Variants in KCNQ5 observed in about 807,000 individuals in gnomAD.
The protein encoded by KCNQ5 is potassium voltage-gated channel subfamily Q member 5.
KCNQ5 carries 30 observed loss-of-function variants against 98.2 expected under a neutral mutation model. That is an observed-to-expected ratio of 0.31 (90% CI 0.23 to 0.41). KCNQ5 has a LOEUF of 0.41. KCNQ5 is among the 10% of genes least tolerant of loss of function. KCNQ5 has a pLI of 1.00. For synonymous variants in KCNQ5, 458 were observed against 449.4 expected (o/e 1.02, Z -0.24); for missense variants, 835 against 1,182.5 (o/e 0.71, Z 4.31).
chr6:72,770,288 T>C (rs950723772), intron 1 of KCNQ5, among the ~76,000 whole-genome samples: 2 of 152,114 alleles, frequency 1.3e-5, no homozygotes, highest in Non-Finnish European at 2.9e-5. Context: ...CTTGAGATGA[T>C]GGACATGGTA....
chr6:72,869,149 A>G (rs1423461611), intron 1 of KCNQ5, among the ~76,000 whole-genome samples: 4 of 152,232 alleles, frequency 2.6e-5, no homozygotes, highest in Admixed American at 1.3e-4. Context: ...TAAAAATTAA[A>G]AAGAAAGAAA....
intron 1 of KCNQ5, among the ~76,000 whole-genome samples, chr6:72,725,253 T>G (rs1389622995): frequency 6.6e-6 from 1 of 152,162 alleles, no homozygotes; most frequent in Non-Finnish European, 1.5e-5. Flanking sequence ...TATTAATATA[T>G]ATATTCCCCA....
At chr6:73,185,887 T>C (rs895065869) in intron 11 of KCNQ5, among the ~76,000 whole-genome samples, 1 of 152,224 alleles carries the variant, frequency 6.6e-6, no homozygotes, top group African/African-American at 2.4e-5. Flanking sequence ...TTAACGAAAG[T>C]ATAATGACAG....
intron 10 of KCNQ5, among the ~76,000 whole-genome samples, chr6:73,136,997 A>G (rs1582425547): frequency 6.6e-6 from 1 of 152,180 alleles, no homozygotes; most frequent in Non-Finnish European, 1.5e-5. Flanking sequence ...AGGAGAATAG[A>G]CAAATAAAAG....
intron 1 of KCNQ5, among the ~76,000 whole-genome samples, chr6:72,798,029 A>G (rs1417590953): frequency 1.3e-5 from 2 of 152,184 alleles, no homozygotes; most frequent in East Asian, 1.9e-4. Context: ...TGTATGCAAG[A>G]TATAAAATAC....
intron 1 of KCNQ5, among the ~76,000 whole-genome samples, chr6:72,665,596 A>G (rs1228275620): frequency 6.6e-6 from 1 of 152,180 alleles, no homozygotes; most frequent in African/African-American, 2.4e-5. Flanking sequence ...CAGGACTCAC[A>G]TGGGGGCATT....
Position 73,094,384 on chromosome 6 carries a change from A to G in KCNQ5, c.919-10873A>G, listed in dbSNP as rs1774391558. Among the ~76,000 whole-genome samples the G allele has an allele frequency of 2.6e-5, 4 of 152,202 alleles. No individual in the cohort carries two copies. The South Asian group carries it at 8.3e-4, about 31-fold the overall frequency. On this transcript the variant is annotated intron_variant, in intron 5 of 13. Transcript: ENST00000370398. ...TCTATATCTTTTAAGTGGAGCATTT[A>G]AGCCATTTACATTCAACGTTAGTAT...
chr6:73,088,507 G>A (rs1415779100), intron 5 of KCNQ5, among the ~76,000 whole-genome samples: 1 of 152,004 alleles, frequency 6.6e-6, no homozygotes, highest in Non-Finnish European at 1.5e-5. Flanking sequence ...TTCCTTAAAT[G>A]TCTGTGTTTT....
At position 73,019,513 on chromosome 6, in the gene KCNQ5, G is replaced by C. The variant is rs565117052; in HGVS notation, c.489+15515G>C. 6.6e-5 allele frequency among the ~76,000 whole-genome samples: 10 copies of C among 152,206 alleles called. No homozygotes were observed. In the East Asian group the frequency reaches 1.7e-3, roughly 26 times the overall value. ...CAACAACACAAACTAAGTTTGGCGG[G>C]TATCATCCTTAGGTCCCATAAATCA... On this transcript the variant is annotated intron_variant, in intron 2 of 13. Transcript: ENST00000370398.
intron 1 of KCNQ5, among the ~76,000 whole-genome samples, chr6:72,840,364 C>T (rs1344358360): frequency 6.6e-6 from 1 of 152,056 alleles, no homozygotes; most frequent in Non-Finnish European, 1.5e-5. Context: ...TCTATTGTGT[C>T]CTGTGCTTGC....
At chr6:73,170,230 G>T (rs948147281) in intron 11 of KCNQ5, among the ~76,000 whole-genome samples, 2 of 152,118 alleles carry the variant, frequency 1.3e-5, no homozygotes, top group African/African-American at 4.8e-5. Context: ...CAAAGAAAAG[G>T]CCTTGTAGGT....
At chr6:73,036,168 C>T (rs1489306603) in intron 2 of KCNQ5, among the ~76,000 whole-genome samples, 4 of 151,910 alleles carry the variant, frequency 2.6e-5, no homozygotes, top group Non-Finnish European at 5.9e-5. Context: ...AGGCAGATCA[C>T]GAGGTCAGGA....
At chr6:72,886,306 TTA>T (rs1778839949) in intron 1 of KCNQ5, among the ~76,000 whole-genome samples, 1 of 152,158 alleles carries the variant, frequency 6.6e-6, no homozygotes, top group Non-Finnish European at 1.5e-5. Flanking sequence ...ATGGAAATTA[TTA>T]TGTGTATGTA....
At chr6:72,719,995 T>C (rs1390968034) in intron 1 of KCNQ5, among the ~76,000 whole-genome samples, 1 of 152,222 alleles carries the variant, frequency 6.6e-6, no homozygotes, top group Non-Finnish European at 1.5e-5. Flanking sequence ...TAAACTCTGG[T>C]GGGGACTCAG....
chr6:72,863,949 G>A (rs1238662371), intron 1 of KCNQ5, among the ~76,000 whole-genome samples: 1 of 152,134 alleles, frequency 6.6e-6, no homozygotes, highest in Non-Finnish European at 1.5e-5. Context: ...GGGGAATAAT[G>A]GCTCCATGGC....
At chr6:72,914,293 G>A (rs1780049097) in intron 1 of KCNQ5, among the ~76,000 whole-genome samples, 1 of 152,016 alleles carries the variant, frequency 6.6e-6, no homozygotes, top group African/African-American at 2.4e-5. Flanking sequence ...AGAAAGTAAT[G>A]AGGAACTTGA....
At chr6:72,710,395 A>T (rs563632948) in intron 1 of KCNQ5, among the ~76,000 whole-genome samples, 4 of 152,232 alleles carry the variant, frequency 2.6e-5, no homozygotes, top group Non-Finnish European at 5.9e-5. Context: ...GGATTAAAAA[A>T]ATTTAAAAAG....
chr6:72,762,656 GTTTC>G, intron 1 of KCNQ5, among the ~76,000 whole-genome samples: 1 of 152,070 alleles, frequency 6.6e-6, no homozygotes, highest in African/African-American at 2.4e-5. Context: ...CTTGGGCAGT[GTTTC>G]CTAGGTACTA....
chr6:72,796,849 A>T (rs1774359608), intron 1 of KCNQ5, among the ~76,000 whole-genome samples: 1 of 152,234 alleles, frequency 6.6e-6, no homozygotes, highest in South Asian at 2.1e-4. Context: ...TTGAAATACA[A>T]ATAGATACTA....
Sources: gnomAD v4.1 joint callset for allele counts (sites outside exome capture counted in the v4.1 genomes callset) on GRCh38, gnomAD v4.1.1 for gene constraint, MANE v1.5 for transcripts, NCBI Gene and HGNC (gene_info 2026-07-23, HGNC 2026-07-21) for gene names.